The following TOX3 variants were observed in gnomAD, a reference collection of about 807,000 sequenced individuals.
The protein encoded by TOX3 is TOX high mobility group box family member 3.
A neutral mutation model predicts 64.3 loss-of-function variants in TOX3; 22 were observed. The observed-to-expected ratio is 0.34, with a 90% CI of 0.24 to 0.49. TOX3 has a LOEUF of 0.49. Ranked by LOEUF, TOX3 falls within the 20% of genes least tolerant of loss-of-function variation. The pLI, the probability that TOX3 is intolerant of heterozygous loss-of-function variation, is 0.99. For missense variants in TOX3, 661 were observed against 714.4 expected (o/e 0.93, Z 0.85); for synonymous variants, 291 against 273.6 (o/e 1.06, Z -0.63).
In TOX3 at chr16:52,438,617, G is replaced by C; in HGVS notation, c.*608C>G. The C allele has an allele frequency of 5.3e-6, 1 of 189,134 alleles. No homozygotes were observed. The highest frequency in any genetic ancestry group is 1.5e-4 in the East Asian group (1 of 6,530). 11.7% of individuals were successfully genotyped at this position (189,134 alleles called of 1,614,324 possible). ...AGTCATGGATAAAAAGTGGAAATTA[G>C]TCAATAATTGAATTTAGTCACTTGC... On this transcript the variant is annotated 3_prime_UTR_variant, in exon 7 of 7. Coordinates refer to ENST00000219746, the MANE Select transcript of TOX3 (RefSeq NM_001080430.4).
intron 1 of TOX3, among the ~76,000 whole-genome samples, chr16:52,487,705 T>G (rs1014742602): frequency 2.0e-5 from 3 of 152,114 alleles, no homozygotes; most frequent in African/African-American, 7.2e-5. Flanking sequence ...AACAAGAGAA[T>G]CAGATGAGGG....
intron 1 of TOX3, among the ~76,000 whole-genome samples, chr16:52,479,266 C>A (rs1234193232): frequency 2.6e-5 from 4 of 152,104 alleles, no homozygotes; most frequent in African/African-American, 4.8e-5. Flanking sequence ...TCAAAGTGAG[C>A]CTTGCATACC....
intron 1 of TOX3, among the ~76,000 whole-genome samples, chr16:52,500,264 A>G (rs1427045165): frequency 6.6e-6 from 1 of 152,218 alleles, no homozygotes; most frequent in Non-Finnish European, 1.5e-5. Flanking sequence ...ATGCAGCACT[A>G]TGATTGGAGC....
chr16:52,473,278 A>C (rs1961102256), intron 1 of TOX3, among the ~76,000 whole-genome samples: 2 of 152,122 alleles, frequency 1.3e-5, no homozygotes, highest in South Asian at 4.1e-4. Context: ...TTATTTTGAC[A>C]CCCATGTGAA....
intron 1 of TOX3, among the ~76,000 whole-genome samples, chr16:52,524,049 G>A (rs1050436591): frequency 3.9e-5 from 6 of 152,086 alleles, no homozygotes; most frequent in Non-Finnish European, 8.8e-5. Context: ...AGATTGAGGG[G>A]CTGTTTGCAT....
At chr16:52,463,141 G>A (rs1363955559) in intron 3 of TOX3, among the ~76,000 whole-genome samples, 1 of 151,758 alleles carries the variant, frequency 6.6e-6, no homozygotes, top group African/African-American at 2.4e-5. Flanking sequence ...TTTTATCAGG[G>A]TTTTTTAAAA....
chr16:52,443,851 C>T (rs1312459519), intron 6 of TOX3, among the ~76,000 whole-genome samples: 1 of 151,980 alleles, frequency 6.6e-6, no homozygotes, highest in African/African-American at 2.4e-5. Flanking sequence ...TGATATGGAA[C>T]AGTTTGGTCA....
chr16:52,493,912 T>C (rs1049887630), intron 1 of TOX3, among the ~76,000 whole-genome samples: 3 of 152,236 alleles, frequency 2.0e-5, no homozygotes, highest in African/African-American at 7.2e-5. Flanking sequence ...TTGATAATTC[T>C]CCCTGTGGGC....
intron 1 of TOX3, among the ~76,000 whole-genome samples, chr16:52,499,513 C>T (rs755641724): frequency 1.3e-5 from 2 of 152,160 alleles, no homozygotes; most frequent in Admixed American, 1.3e-4. Context: ...TCTATCACTT[C>T]AGGAATCAGA....
intron 1 of TOX3, among the ~76,000 whole-genome samples, chr16:52,523,370 AGGCTTT>A (rs1962655133): frequency 6.6e-6 from 1 of 152,176 alleles, no homozygotes; most frequent in African/African-American, 2.4e-5. Flanking sequence ...AGTTAAGACC[AGGCTTT>A]CCTCTGAATG....
chr16:52,520,202 T>G (rs1345841964), intron 1 of TOX3, among the ~76,000 whole-genome samples: 1 of 152,226 alleles, frequency 6.6e-6, no homozygotes, highest in Non-Finnish European at 1.5e-5. Context: ...TCTAAATATA[T>G]TTAAAAACTA....
In TOX3 at chr16:52,546,627, G is replaced by T; in HGVS notation, c.87+10C>A. Reference sequence around the variant, plus strand: ...CCCCGCCCCCCGGCCCACCGGCCCAGCCCGGTCACCTTGCTGTAGCCGTAG... The same window carrying T: ...CCCCGCCCCCCGGCCCACCGGCCCATCCCGGTCACCTTGCTGTAGCCGTAG... On this transcript the variant is annotated intron_variant, in intron 1 of 6. Transcript: ENST00000219746. The T allele has an allele frequency of 6.5e-7, 1 of 1,536,856 alleles. No homozygotes were observed.
chr16:52,520,515 T>C (rs577781675), intron 1 of TOX3, among the ~76,000 whole-genome samples: 2 of 152,232 alleles, frequency 1.3e-5, no homozygotes, highest in Non-Finnish European at 2.9e-5. Context: ...TTTCAGTTAT[T>C]TGTATATCAC....
rs1465358784 is a variant in TOX3, at chr16:52,546,965, G to A, written c.-242C>T. 8 of 978,954 alleles carry A rather than the reference G, an allele frequency of 8.2e-6. No individual in the cohort carries two copies. The Admixed American group carries it at 1.9e-4, about 23-fold the overall frequency. The allele number at this position is 978,954 out of a possible 1,614,324, so 60.6% of individuals were successfully genotyped here. On this transcript the variant is annotated 5_prime_UTR_variant, in exon 1 of 7. Coordinates refer to ENST00000219746, the MANE Select transcript of TOX3 (RefSeq NM_001080430.4). ...GGCCGGGGGGACGCGCCCCGCCGGG[G>A]CACCGAGGCAGCGCTGCGCGCGGGC... is the stretch of plus-strand genomic sequence containing the variant.
intron 1 of TOX3, among the ~76,000 whole-genome samples, chr16:52,481,460 C>G (rs1227152039): frequency 6.6e-6 from 1 of 152,166 alleles, no homozygotes; most frequent in East Asian, 1.9e-4. Context: ...ATTTTCCAGT[C>G]TTAATCATAT....
At chr16:52,472,074 A>G (rs528556902) in intron 1 of TOX3, among the ~76,000 whole-genome samples, 4 of 152,338 alleles carry the variant, frequency 2.6e-5, no homozygotes, top group East Asian at 1.9e-4. Context: ...ATGCTCCTCA[A>G]GAAATGGTTC....
intron 6 of TOX3, among the ~76,000 whole-genome samples, chr16:52,441,243 T>C (rs2151738834): frequency 6.6e-6 from 1 of 152,340 alleles, no homozygotes; most frequent in South Asian, 2.1e-4. Context: ...TGTGTGATTA[T>C]TTATAACAAG....
intron 1 of TOX3, among the ~76,000 whole-genome samples, chr16:52,531,104 C>T (rs954800424): frequency 2.6e-5 from 4 of 152,056 alleles, no homozygotes; most frequent in Non-Finnish European, 5.9e-5. Flanking sequence ...AAATCGTTAG[C>T]CAAAGCCAGG....
At chr16:52,443,263 T>C (rs1960058100) in intron 6 of TOX3, among the ~76,000 whole-genome samples, 1 of 152,226 alleles carries the variant, frequency 6.6e-6, no homozygotes. Context: ...TTCCAGTATG[T>C]GTCTTCCAGA....
Sources: gnomAD v4.1 joint callset for allele counts (sites outside exome capture counted in the v4.1 genomes callset) on GRCh38, gnomAD v4.1.1 for gene constraint, MANE v1.5 for transcripts, NCBI Gene and HGNC (gene_info 2026-07-23, HGNC 2026-07-21) for gene names.